The following DCAF6 variants were observed in gnomAD, a reference collection of about 807,000 sequenced individuals.
DCAF6 encodes DDB1 and CUL4 associated factor 6.
DCAF6 carries 54 observed loss-of-function variants against 125.1 expected under a neutral mutation model. The ratio of observed to expected loss-of-function variants is 0.43; its 90% CI spans 0.35 to 0.54. DCAF6 has a LOEUF of 0.54. Ranked by LOEUF, DCAF6 falls within the 20% of genes least tolerant of loss-of-function variation. The pLI, the probability that DCAF6 is intolerant of heterozygous loss-of-function variation, is 0.01. For synonymous variants in DCAF6, 371 were observed against 390.4 expected (o/e 0.95, Z 0.58); for missense variants, 934 against 1,161.7 (o/e 0.80, Z 2.85).
chr1:167,936,859 T>TCCTCCCCTCCCCCA lies in DCAF6; in HGVS notation c.-51_-38dup, dbSNP rs1671313606. 4 of 771,106 alleles carry TCCTCCCCTCCCCCA rather than the reference T, an allele frequency of 5.2e-6. No homozygotes were observed. In the Admixed American group the frequency reaches 8.8e-5, roughly 17 times the overall value. The allele number at this position is 771,106 out of a possible 1,614,324, so 47.8% of individuals were successfully genotyped here. A position where few individuals can be genotyped will look rare whatever the true frequency, so the allele number is the denominator to read the frequency against. On this transcript the variant is annotated 5_prime_UTR_variant, in exon 1 of 22. Coordinates refer to ENST00000367840, the MANE Select transcript of DCAF6 (RefSeq NM_001198956.2). Reference sequence around the variant, plus strand: ...TGTTGAAACGGGTGTCCCCTCCCCCTCCTCCCCTCCCCCACGCGGTGGTCT... The same window carrying TCCTCCCCTCCCCCA: ...TGTTGAAACGGGTGTCCCCTCCCCCTCCTCCCCTCCCCCACCTCCCCTCCCCCACGCGGTGGTCT...
At chr1:168,065,475 G>A in intron 18 of DCAF6, 115 bp from the exon 19 acceptor site, 2 of 848,682 alleles carry the variant, frequency 2.4e-6, no homozygotes, top group South Asian at 2.0e-5. Context: ...TATTTTCTAA[G>A]CCAGTTTTTT....
intron 7 of DCAF6, among the ~76,000 whole-genome samples, chr1:167,995,333 C>G (rs1681490279): frequency 6.6e-6 from 1 of 151,990 alleles, no homozygotes; most frequent in African/African-American, 2.4e-5. Context: ...TTTCCTTGGT[C>G]TTGTTTGTTG....
intron 11 of DCAF6, chr1:168,019,614 A>T (rs1332995399): frequency 2.3e-6 from 1 of 435,890 alleles, no homozygotes; most frequent in Non-Finnish European, 4.7e-6. Context: ...GCTGGTACTG[A>T]CCTAACCACC....
intron 20 of DCAF6, 117 bp from the exon 21 acceptor site, chr1:168,068,241 A>T (rs936910868): frequency 5.0e-6 from 3 of 595,948 alleles, no homozygotes; most frequent in Admixed American, 5.3e-5. Flanking sequence ...CATCAGACGC[A>T]TAAAGAATGA....
chr1:167,961,003 C>A (rs982145676), intron 2 of DCAF6, among the ~76,000 whole-genome samples: 1 of 152,124 alleles, frequency 6.6e-6, no homozygotes, highest in East Asian at 1.9e-4. Context: ...TTATTTAATT[C>A]TTTGATTTCT....
Position 167,964,192 on chromosome 1 carries a change from T to A in DCAF6, c.160-2437T>A, listed in dbSNP as rs1329881629. On this transcript the variant is annotated intron_variant, in intron 2 of 21. Transcript: ENST00000367840. The stretch of plus-strand genomic sequence containing the variant: ...CTCTGACCTATGTTTATTTTCCTTT[T>A]CTTTAAAGAACTCCTTTTGTAATTT... Among the ~76,000 whole-genome samples, 5 of 152,362 alleles carry A rather than the reference T, an allele frequency of 3.3e-5. No individual in the cohort carries two copies. The East Asian group carries it at 9.6e-4, about 29-fold the overall frequency.
the DCAF6 span, chr1:167,913,900 G>A: frequency 6.6e-6 from 1 of 152,322 alleles, no homozygotes; most frequent in Admixed American, 6.5e-5. Flanking sequence ...TGCAATAGCT[G>A]TCTTCTTTCC....
intron 2 of DCAF6, among the ~76,000 whole-genome samples, chr1:167,954,429 C>T (rs1214864111): frequency 6.6e-6 from 1 of 151,604 alleles, no homozygotes; most frequent in African/African-American, 2.4e-5. Flanking sequence ...TAGATTTGTG[C>T]TTAAATTTTT....
At chr1:167,912,281 C>T in the DCAF6 span, among the ~76,000 whole-genome samples, 18 of 152,304 alleles carry the variant, frequency 1.2e-4, no homozygotes, top group South Asian at 3.5e-3. Flanking sequence ...CTTGTAAAGC[C>T]TTGGCTCTTA....
At chr1:167,880,146 G>A in the DCAF6 span, 6 of 1,613,314 alleles carry the variant, frequency 3.7e-6, no homozygotes, top group African/African-American at 1.3e-5. Flanking sequence ...TGTGTCCAAC[G>A]ATCCCACAGA....
chr1:168,072,155 G>A (rs1426334080), intron 21 of DCAF6, among the ~76,000 whole-genome samples: 1 of 151,764 alleles, frequency 6.6e-6, no homozygotes, highest in East Asian at 1.9e-4. Context: ...AAATTAGCTG[G>A]GTGTGGTGGC....
chr1:167,963,932 C>T (rs1418673694), intron 2 of DCAF6, among the ~76,000 whole-genome samples: 1 of 152,148 alleles, frequency 6.6e-6, no homozygotes, highest in Non-Finnish European at 1.5e-5. Flanking sequence ...TTTAAATCTT[C>T]CATCTTATAC....
chr1:168,074,532 G>C (rs1322367929), intron 21 of DCAF6, among the ~76,000 whole-genome samples: 4 of 152,078 alleles, frequency 2.6e-5, no homozygotes, highest in African/African-American at 4.8e-5. Flanking sequence ...AGGATATAAA[G>C]ATAAAAAGAA....
At chr1:167,964,173 C>G (rs892160051) in intron 2 of DCAF6, among the ~76,000 whole-genome samples, 1 of 152,128 alleles carries the variant, frequency 6.6e-6, no homozygotes, top group Non-Finnish European at 1.5e-5. Flanking sequence ...ATGTCTCTGA[C>G]CTATGTTTAT....
At chr1:167,899,639 G>C in the DCAF6 span, 1 of 1,613,260 alleles carries the variant, frequency 6.2e-7, no homozygotes, top group Non-Finnish European at 8.5e-7. Flanking sequence ...CTGGCAAGAA[G>C]GCAAGGAATA....
chr1:168,007,238 C>T (rs1237510512), intron 10 of DCAF6, among the ~76,000 whole-genome samples: 1 of 152,182 alleles, frequency 6.6e-6, no homozygotes, highest in Non-Finnish European at 1.5e-5. Context: ...CCCTTTCCAG[C>T]TTCTCAAAGA....
chr1:167,943,939 C>A (rs1251654874), intron 1 of DCAF6, among the ~76,000 whole-genome samples: 8 of 151,986 alleles, frequency 5.3e-5, no homozygotes, highest in Non-Finnish European at 1.5e-5. Flanking sequence ...CCGAGGTTCA[C>A]GCCATTCTCC....
At chr1:168,049,271 C>T (rs1426099061) in intron 16 of DCAF6, among the ~76,000 whole-genome samples, 5 of 152,132 alleles carry the variant, frequency 3.3e-5, no homozygotes, top group African/African-American at 1.2e-4. Flanking sequence ...GAGACAGGGT[C>T]TTGCCCTGTT....
chr1:167,954,031 G>T (rs1471350385), intron 2 of DCAF6, among the ~76,000 whole-genome samples: 2 of 152,042 alleles, frequency 1.3e-5, no homozygotes, highest in East Asian at 3.9e-4. Flanking sequence ...TTTTGAGACT[G>T]AGTCTCACTC....
Sources: gnomAD v4.1 joint callset for allele counts (sites outside exome capture counted in the v4.1 genomes callset) on GRCh38, gnomAD v4.1.1 for gene constraint, MANE v1.5 for transcripts, NCBI Gene and HGNC (gene_info 2026-07-23, HGNC 2026-07-21) for gene names.